The following ABCA4 variants were observed in gnomAD, a reference collection of about 807,000 sequenced individuals.
ABCA4 encodes ATP binding cassette subfamily A member 4, also known as retinal-specific phospholipid-transporting ATPase ABCA4.
A neutral mutation model predicts 263.7 loss-of-function variants in ABCA4; 196 were observed. The ratio of observed to expected loss-of-function variants is 0.74; its 90% CI spans 0.66 to 0.84. The LOEUF is 0.84. ABCA4 is among the 40% of genes least tolerant of loss of function. ABCA4 has a pLI of 0.00. For missense variants in ABCA4, 2,792 were observed against 2,855.1 expected, an observed-to-expected ratio of 0.98 and a Z score of 0.50; for synonymous variants, 1,133 against 1,094.2, an observed-to-expected ratio of 1.04 and a Z score of -0.70.
chr1:94,079,272 C>T (rs745730270), intron 9 of ABCA4, 50 bp downstream of exon 9: 7 of 1,610,508 alleles, frequency 4.3e-6, no homozygotes, highest in South Asian at 1.1e-5. Context: ...CACACACACA[C>T]ACTTCTGGGA....
intron 6 of ABCA4, among the ~76,000 whole-genome samples, chr1:94,087,777 T>C (rs559291562): frequency 2.0e-5 from 3 of 152,312 alleles, no homozygotes; most frequent in Admixed American, 2.0e-4. Context: ...TTCTAAATGA[T>C]AAAATCCCAC....
chr1:94,010,969 A>G (rs758147540), intron 39 of ABCA4, 40 bp from the exon 40 acceptor site: 14 of 1,613,690 alleles, frequency 8.7e-6, no homozygotes, highest in Non-Finnish European at 1.2e-5. Flanking sequence ...CAGCCGCCCC[A>G]GCTCACCCCA....
intron 45 of ABCA4, chr1:94,001,514 A>T: frequency 1.8e-6 from 1 of 558,236 alleles, no homozygotes; most frequent in Non-Finnish European, 3.4e-6. Context: ...GGCTCAGCTC[A>T]GGAGCCTTTG....
Position 94,037,303 on chromosome 1 carries a change from C to A in ABCA4, c.3655G>T (p.Ala1219Ser). ...TGACCAATGCACTCCACCAGCTTTG[C>A]CTCTGGAACATGGTGGAGAACTACA... ...MDVVLHHVPE[A>S]KLVECIGQEL... The change falls in exon 25 of 50, where the codon GCA becomes TCA. Residue 1219 changes from alanine (A) to serine (S), a missense_variant. Coordinates refer to ENST00000370225, the MANE Select transcript of ABCA4 (RefSeq NM_000350.3). 6.2e-7 allele frequency: 1 copy of A among 1,614,214 alleles called. No homozygotes were observed. The highest frequency in any genetic ancestry group is 8.5e-7 in the Non-Finnish European group (1 of 1,180,050).
Position 94,008,246 on chromosome 1 carries a change from G to A in ABCA4, c.5887C>T (p.Arg1963Cys), listed in dbSNP as rs777887467. ...PAVDRLCVGV[R>C]PGECFGLLGV... ...TGCAGAGTACCCACCTCTCCAGGGC[G>A]AACTCCGACACACAGCCTGTCCACT... The change falls in exon 42 of 50, where the codon CGC (arginine) becomes TGC (cysteine). Residue 1963 changes from arginine to cysteine, a missense_variant. Coordinates refer to ENST00000370225, the MANE Select transcript of ABCA4 (RefSeq NM_000350.3). 11 of 1,614,002 alleles carry A rather than the reference G, an allele frequency of 6.8e-6. No individual in the cohort carries two copies. Among genetic ancestry groups the A allele is most frequent in the African/African-American group, 2.7e-5 (2 of 74,896 alleles).
chr1:94,048,886 G>A lies in ABCA4; in HGVS notation c.2725C>T (p.His909Tyr), dbSNP rs138247113. ...PLTEETEDPEHPEGIHDSFFE... is the reference protein window; with the variant it reads ...PLTEETEDPEYPEGIHDSFFE... Reference sequence around the variant, plus strand: ...GTTTTACCGTGTATTCCTTCTGGGTGCTCTGGATCCTCCGTTTCCTCTGTT... The same window carrying A: ...GTTTTACCGTGTATTCCTTCTGGGTACTCTGGATCCTCCGTTTCCTCTGTT... Residue 909 changes from histidine to tyrosine, a missense_variant, in exon 18 of 50, where the codon CAC becomes TAC. His to Tyr is a moderately conservative substitution (Grantham distance 83). Coordinates refer to ENST00000370225, the MANE Select transcript of ABCA4 (RefSeq NM_000350.3). 6.2e-7 allele frequency: 1 copy of A among 1,613,982 alleles called. No homozygotes were observed. Among genetic ancestry groups the A allele is most frequent in the African/African-American group, 1.3e-5 (1 of 74,902 alleles).
intron 14 of ABCA4, among the ~76,000 whole-genome samples, chr1:94,059,304 A>G (rs949140668): frequency 1.3e-5 from 2 of 152,198 alleles, no homozygotes; most frequent in Non-Finnish European, 2.9e-5. Context: ...CTCATCTCTT[A>G]GAACTTTGGT....
rs574866442 is a variant in ABCA4, at chr1:94,112,496, G to A, written c.160+477C>T. 2.0e-5 allele frequency among the ~76,000 whole-genome samples: 3 copies of A among 152,336 alleles called. No homozygotes were observed. In the South Asian group the frequency reaches 6.2e-4, roughly 32 times the overall value. ...ACAAGTATTTGCTTAGAATGTGTAG[G>A]ATTAAAACATGAAAATTTGGGCTGG... On this transcript the variant is annotated intron_variant, in intron 2 of 49. Transcript: ENST00000370225.
chr1:94,079,903 T>C (rs753002199), intron 8 of ABCA4, among the ~76,000 whole-genome samples: 6 of 152,144 alleles, frequency 3.9e-5, no homozygotes, highest in South Asian at 2.1e-4. Flanking sequence ...ACTTTTGGCA[T>C]GTCCCTTGCT....
rs572439241 is a variant in ABCA4 at position 94,031,841 on chromosome 1, C to T, written c.4065G>A (p.Val1355=). The T allele has an allele frequency of 6.2e-7, 1 of 1,614,164 alleles. No individual in the cohort carries two copies. Among genetic ancestry groups the T allele is most frequent in the African/African-American group, 1.3e-5 (1 of 75,052 alleles). ...GGAATCTCTTGACCAGCAGCGCCTG[C>T]ACATGCTGGAGGACCAGCTGTGTCC... The part of the protein sequence containing the change: ...NTGTQLVLQH[V]QALLVKRFQH... The change falls in exon 27 of 50, where the codon GTG becomes GTA. Residue 1355 remains valine (V), a synonymous_variant. Coordinates refer to ENST00000370225, the MANE Select transcript of ABCA4 (RefSeq NM_000350.3).
intron 4 of ABCA4, among the ~76,000 whole-genome samples, chr1:94,107,670 G>A (rs1255583758): frequency 1.3e-5 from 2 of 152,108 alleles, no homozygotes; most frequent in African/African-American, 4.8e-5. Flanking sequence ...TGGTGTCCGT[G>A]TGGGGCCAAC....
At position 94,028,930 on chromosome 1, in the gene ABCA4, A is replaced by C. The variant is rs7547556; in HGVS notation, c.4539+515T>G. ...TCAAAAAAAAAAAAAAAAAAAAAAA[A>C]GAAATTCAAACAATGGGATAATATA... is the stretch of plus-strand genomic sequence containing the variant. On this transcript the variant is annotated intron_variant, in intron 30 of 49. Coordinates refer to ENST00000370225, the MANE Select transcript of ABCA4 (RefSeq NM_000350.3). Among the ~76,000 whole-genome samples the C allele has an allele frequency of 3.8e-3, 410 of 107,938 alleles. 29 individuals carry two copies. Among genetic ancestry groups the C allele is most frequent in the Middle Eastern group, 0.022 (4 of 184 alleles). 70.8% of individuals were successfully genotyped at this position (107,938 alleles called of 152,430 possible).
rs1661754905 is a variant in ABCA4, at chr1:94,083,448, T to C, written c.769-7A>G. The stretch of plus-strand genomic sequence containing the variant: ...TGTCTAGGAGTGTGGGAAGCTGTAA[T>C]TGACAGTAAAACAATTTTTTAAATA... On this transcript the variant is annotated splice_polypyrimidine_tract_variant and splice_region_variant and intron_variant, in intron 6 of 49. Transcript: ENST00000370225. 2.5e-6 allele frequency: 4 copies of C among 1,608,212 alleles called. No individual in the cohort carries two copies. The highest frequency in any genetic ancestry group is 1.7e-4 in the Middle Eastern group (1 of 6,054).
At chr1:94,026,699 C>T (rs1056035389) in intron 30 of ABCA4, among the ~76,000 whole-genome samples, 1 of 152,232 alleles carries the variant, frequency 6.6e-6, no homozygotes, top group African/African-American at 2.4e-5. Flanking sequence ...TCCACATATA[C>T]TAGAAGTCAG....
At position 94,121,068 on chromosome 1, in the gene ABCA4, G is replaced by A. The variant is rs749827888; in HGVS notation, c.-23C>T. On this transcript the variant is annotated 5_prime_UTR_variant, in exon 1 of 50. Transcript: ENST00000370225. Reference sequence around the variant, plus strand: ...CATGCTAATGACCACACGAAGACCAGATTGGTCAGAGCTGAGGCCCCTCAG... The same window carrying A: ...CATGCTAATGACCACACGAAGACCAAATTGGTCAGAGCTGAGGCCCCTCAG... 22 of 1,613,462 alleles carry A rather than the reference G, an allele frequency of 1.4e-5. No individual in the cohort carries two copies. Among genetic ancestry groups the A allele is most frequent in the Middle Eastern group, 1.6e-4 (1 of 6,084 alleles).
At chr1:94,002,189 G>A (rs1659209616) in intron 44 of ABCA4, among the ~76,000 whole-genome samples, 197 bp from the exon 45 acceptor site, 1 of 152,194 alleles carries the variant, frequency 6.6e-6, no homozygotes, top group Non-Finnish European at 1.5e-5. Flanking sequence ...CTGTGTCTTG[G>A]ATCCCAGGGT....
rs886046564 is a variant in ABCA4, at chr1:94,029,452, G to A, written c.4532C>T (p.Pro1511Leu). The change falls in exon 30 of 50, where the codon CCC becomes CTC. Residue 1511 changes from proline (P) to leucine (L), a missense_variant. Pro to Leu is a moderately conservative substitution (Grantham distance 98). Transcript: ENST00000370225. ...TGTTTGGAGGTCAGGTACCTGGGGG[G>A]GCGGGAGGCCCCCGGCACCCTCGGG... ...ECPEGAGGLP[P>L]PQRTQRSTEI... The A allele has an allele frequency of 6.4e-7, 1 of 1,551,794 alleles. No individual in the cohort carries two copies. The highest frequency in any genetic ancestry group is 8.7e-7 in the Non-Finnish European group (1 of 1,147,402).
intron 47 of ABCA4, 33 bp downstream of exon 47, chr1:94,000,803 G>T (rs183744912): frequency 5.2e-5 from 84 of 1,604,284 alleles, no homozygotes; most frequent in Non-Finnish European, 6.2e-5. Context: ...ATCCACAGAA[G>T]GCAACAAGGG....
At chr1:94,042,150 A>G (rs1330064778) in intron 22 of ABCA4, among the ~76,000 whole-genome samples, 2 of 151,100 alleles carry the variant, frequency 1.3e-5, no homozygotes, top group African/African-American at 2.4e-5. Flanking sequence ...AGCAATGAGG[A>G]TTTCAGGATG....
Sources: gnomAD v4.1 joint callset for allele counts (sites outside exome capture counted in the v4.1 genomes callset) on GRCh38, gnomAD v4.1.1 for gene constraint, MANE v1.5 for transcripts, NCBI Gene and HGNC (gene_info 2026-07-23, HGNC 2026-07-21) for gene names.